The following LGSN variants were observed in gnomAD, a reference collection of about 807,000 sequenced individuals.
LGSN encodes lengsin, lens protein with glutamine synthetase domain, also known as lengsin.
LGSN carries 21 observed loss-of-function variants against 19.5 expected under a neutral mutation model. That is an observed-to-expected ratio of 1.07 (90% CI 0.76 to 1.55). LGSN has a LOEUF of 1.55. Among genes scored for constraint, LGSN ranks in the 40% most tolerant of loss-of-function variants. LGSN has a pLI of 0.00. For missense variants in LGSN, 673 were observed against 608.5 expected (o/e 1.11, Z -1.12); for synonymous variants, 257 against 215.6 (o/e 1.19, Z -1.68).
At chr6:63,472,849 G>C in the LGSN span, among the ~76,000 whole-genome samples, 1 of 152,050 alleles carries the variant, frequency 6.6e-6, no homozygotes, top group Non-Finnish European at 1.5e-5. Context: ...GCTGAGGCAG[G>C]AGAATGGCAT....
At chr6:63,505,691 G>A in the LGSN span, among the ~76,000 whole-genome samples, 454 of 150,250 alleles carry the variant, frequency 3.0e-3, 3 homozygotes, top group African/African-American at 6.6e-3. Flanking sequence ...TTTTTGTTTC[G>A]CTCTGTCGCC....
chr6:63,506,244 G>T, the LGSN span, among the ~76,000 whole-genome samples: 70,767 of 148,526 alleles, frequency 0.48, 16,834 homozygotes, highest in African/African-American at 0.57. Flanking sequence ...GTTGTTGTTG[G>T]TGGTGGTGGT....
At chr6:63,546,924 A>T in the LGSN span, among the ~76,000 whole-genome samples, 4 of 152,252 alleles carry the variant, frequency 2.6e-5, no homozygotes, top group Non-Finnish European at 5.9e-5. Context: ...ATATATAAAC[A>T]TCACACAGTA....
the LGSN span, among the ~76,000 whole-genome samples, chr6:63,561,785 A>G: frequency 8.7e-3 from 1,326 of 152,336 alleles, 24 homozygotes; most frequent in African/African-American, 0.03. Context: ...AAACAAATAC[A>G]CATTGAAAGT....
the LGSN span, among the ~76,000 whole-genome samples, chr6:63,547,475 C>A: frequency 2.0e-5 from 3 of 148,900 alleles, no homozygotes; most frequent in African/African-American, 7.4e-5. Flanking sequence ...CAGGCGTCTG[C>A]CACCTCGCCC....
chr6:63,281,046 T>C lies in LGSN; in HGVS notation c.505A>G (p.Ile169Val). The change falls in exon 4 of 4, where the codon ATA becomes GTA. Residue 169 changes from isoleucine (I) to valine (V), a missense_variant. Coordinates refer to ENST00000370657, the MANE Select transcript of LGSN (RefSeq NM_016571.3). Reference sequence around the variant, plus strand: ...CCAGTCACAGTGAAGGTATCACATATCACTCTTGCAGTTCTGTCAGCCCAT... The same window carrying C: ...CCAGTCACAGTGAAGGTATCACATACCACTCTTGCAGTTCTGTCAGCCCAT... ...LPWADRTARV[I>V]CDTFTVTGEP... is the part of the protein sequence containing the mutation. 6.2e-7 allele frequency: 1 copy of C among 1,614,008 alleles called. No homozygotes were observed. Among genetic ancestry groups the C allele is most frequent in the East Asian group, 2.2e-5 (1 of 44,856 alleles).
chr6:63,417,819 C>T, the LGSN span, among the ~76,000 whole-genome samples: 1 of 152,154 alleles, frequency 6.6e-6, no homozygotes, highest in Admixed American at 6.6e-5. Flanking sequence ...GATACAGTGA[C>T]AGTGTGACTA....
At chr6:63,298,309 G>A (rs1206348291) in intron 1 of LGSN, among the ~76,000 whole-genome samples, 3 of 152,016 alleles carry the variant, frequency 2.0e-5, no homozygotes, top group Admixed American at 6.6e-5. Context: ...AATTTGTATG[G>A]GCACATTTTT....
the LGSN span, among the ~76,000 whole-genome samples, chr6:63,371,556 T>C: frequency 2.0e-5 from 3 of 152,270 alleles, no homozygotes; most frequent in African/African-American, 7.2e-5. Flanking sequence ...ATTTCTGCTG[T>C]ACCTCTGGAG....
the LGSN span, among the ~76,000 whole-genome samples, chr6:63,449,179 T>A: frequency 4.0e-5 from 6 of 151,636 alleles, no homozygotes; most frequent in Admixed American, 3.3e-4. Flanking sequence ...AAAATGACAG[T>A]TATGAAATTT....
chr6:63,520,397 C>T, the LGSN span, among the ~76,000 whole-genome samples: 6 of 152,032 alleles, frequency 3.9e-5, no homozygotes, highest in African/African-American at 7.2e-5. Context: ...GAGACTGAGG[C>T]GGGCGGATCA....
At chr6:63,465,589 G>C in the LGSN span, among the ~76,000 whole-genome samples, 1 of 152,136 alleles carries the variant, frequency 6.6e-6, no homozygotes, top group Non-Finnish European at 1.5e-5. Flanking sequence ...CAAAAATCCG[G>C]CCTTAGTTTA....
chr6:63,532,286 T>A, the LGSN span, among the ~76,000 whole-genome samples: 41 of 152,362 alleles, frequency 2.7e-4, no homozygotes, highest in African/African-American at 9.6e-4. Context: ...AGGAATATTG[T>A]CAAATTTTGG....
chr6:63,304,107 G>A (rs1295890896), intron 1 of LGSN, among the ~76,000 whole-genome samples: 1 of 152,196 alleles, frequency 6.6e-6, no homozygotes, highest in Non-Finnish European at 1.5e-5. Context: ...TTATACATGA[G>A]CAACCTTATC....
At chr6:63,517,185 C>T in the LGSN span, among the ~76,000 whole-genome samples, 1 of 152,062 alleles carries the variant, frequency 6.6e-6, no homozygotes, top group Non-Finnish European at 1.5e-5. Flanking sequence ...TATGGTCTAA[C>T]TATTCAGAAA....
intron 1 of LGSN, among the ~76,000 whole-genome samples, chr6:63,297,124 G>A (rs1768004147): frequency 6.6e-6 from 1 of 151,992 alleles, no homozygotes; most frequent in African/African-American, 2.4e-5. Flanking sequence ...GGTGGATCAC[G>A]AGGTCAGAAG....
rs1767128678 is a variant in LGSN at position 63,277,262 on chromosome 6, C to T, written c.*2759G>A. 6.6e-6 allele frequency: 1 copy of T among 152,120 alleles called. No individual in the cohort carries two copies. Among genetic ancestry groups the T allele is most frequent in the South Asian group, 2.1e-4 (1 of 4,828 alleles). 9.4% of individuals were successfully genotyped at this position (152,120 alleles called of 1,614,324 possible). A position where few individuals can be genotyped will look rare whatever the true frequency, so the allele number is the denominator to read the frequency against. The stretch of plus-strand genomic sequence containing the variant: ...GGTAAAATGAAGTCAATGCATTAGA[C>T]ATGTTTCATTAAGGCCCGTGGACTA... On this transcript the variant is annotated 3_prime_UTR_variant, in exon 4 of 4. Transcript: ENST00000370657.
chr6:63,517,391 C>T, the LGSN span, among the ~76,000 whole-genome samples: 1 of 152,078 alleles, frequency 6.6e-6, no homozygotes, highest in Admixed American at 6.6e-5. Context: ...TTTTCTTACA[C>T]CAAGTGTTGC....
chr6:63,470,840 T>C, the LGSN span, among the ~76,000 whole-genome samples: 1 of 151,680 alleles, frequency 6.6e-6, no homozygotes. Context: ...TAAGTGTAAG[T>C]ACAGTGAAGA....
Sources: allele counts gnomAD v4.1 joint callset (sites outside exome capture counted in the v4.1 genomes callset), GRCh38; gene constraint gnomAD v4.1.1; transcripts MANE v1.5; gene names NCBI Gene and HGNC (gene_info 2026-07-23, HGNC 2026-07-21).